The following CIMAP2 variants were observed in gnomAD, a reference collection of about 807,000 sequenced individuals.
CIMAP2 encodes ciliary microtubule-associated protein 2.
chr1:54,833,663 G>A, the CIMAP2 span, among the ~76,000 whole-genome samples: 30 of 152,162 alleles, frequency 2.0e-4, no homozygotes, highest in Admixed American at 1.8e-3. Context: ...ACTGATGAGT[G>A]GGCCAGGTTT....
At chr1:54,807,903 C>T in the CIMAP2 span, 7 of 1,592,306 alleles carry the variant, frequency 4.4e-6, no homozygotes, top group African/African-American at 1.4e-5. Flanking sequence ...AAAAGCTGGG[C>T]CCCGGCTCCT....
the CIMAP2 span, chr1:54,807,219 A>ACTGGAAGCCCCCACT: frequency 3.0e-6 from 3 of 990,750 alleles, no homozygotes; most frequent in Non-Finnish European, 4.7e-6. Context: ...CTGGACCCAC[A>ACTGGAAGCCCCCACT]GTGGGGGCTT....
the CIMAP2 span, among the ~76,000 whole-genome samples, chr1:54,835,621 C>T: frequency 4.6e-5 from 7 of 152,252 alleles, no homozygotes; most frequent in East Asian, 9.6e-4. Flanking sequence ...TGTTAGTAAA[C>T]GGCATTGATG....
the CIMAP2 span, among the ~76,000 whole-genome samples, chr1:54,828,696 C>A: frequency 6.6e-4 from 100 of 151,992 alleles, no homozygotes; most frequent in Middle Eastern, 6.8e-3. Flanking sequence ...TTTACTAAGA[C>A]CCCATTCTTA....
At chr1:54,820,037 A>ATTCT in the CIMAP2 span, among the ~76,000 whole-genome samples, 3 of 74,764 alleles carry the variant, frequency 4.0e-5, no homozygotes, top group African/African-American at 5.7e-5. Flanking sequence ...TCCTTCCTTC[A>ATTCT]TTCATTCCTT....
the CIMAP2 span, chr1:54,806,144 G>A: frequency 1.3e-6 from 2 of 1,549,168 alleles, no homozygotes; most frequent in Non-Finnish European, 8.7e-7. Flanking sequence ...TGCCGCCGGA[G>A]CTCATGGCTG....
chr1:54,812,337 G>A, the CIMAP2 span: 1 of 1,247,572 alleles, frequency 8.0e-7, no homozygotes, highest in Non-Finnish European at 1.1e-6. Flanking sequence ...AGCCAGGGCT[G>A]GATCCGGTTT....
At chr1:54,836,994 C>T in the CIMAP2 span, among the ~76,000 whole-genome samples, 1 of 152,016 alleles carries the variant, frequency 6.6e-6, no homozygotes, top group Non-Finnish European at 1.5e-5. Flanking sequence ...GAAAATGCCA[C>T]TTGGAAGATG....
the CIMAP2 span, among the ~76,000 whole-genome samples, chr1:54,813,607 G>A: frequency 6.6e-6 from 1 of 152,132 alleles, no homozygotes; most frequent in East Asian, 1.9e-4. Flanking sequence ...ACCCCGCCCC[G>A]ACCCGCTGGT....
chr1:54,819,286 A>G, the CIMAP2 span, among the ~76,000 whole-genome samples: 1 of 152,148 alleles, frequency 6.6e-6, no homozygotes, highest in Non-Finnish European at 1.5e-5. Context: ...CTGTCTGCCT[A>G]CATTCCACTG....
the CIMAP2 span, among the ~76,000 whole-genome samples, chr1:54,809,148 T>C: frequency 6.6e-6 from 1 of 152,220 alleles, no homozygotes. Flanking sequence ...CAAAACATTC[T>C]AATTCTTTGC....
At chr1:54,825,817 C>A in the CIMAP2 span, among the ~76,000 whole-genome samples, 1 of 151,904 alleles carries the variant, frequency 6.6e-6, no homozygotes, top group African/African-American at 2.4e-5. Flanking sequence ...CTGAGTAGTG[C>A]ATGTGGGTGC....
chr1:54,838,934 T>C, the CIMAP2 span, among the ~76,000 whole-genome samples: 6 of 65,080 alleles, frequency 9.2e-5, no homozygotes, highest in Non-Finnish European at 1.3e-4. Flanking sequence ...GGGGCAGGGA[T>C]TGGGGGGAGT....
the CIMAP2 span, chr1:54,811,767 C>CGGGGGGGGGCCCCCCCCCCCCCCCCCAA: frequency 9.2e-7 from 1 of 1,088,170 alleles, no homozygotes; most frequent in Non-Finnish European, 1.4e-6. Flanking sequence ...TTCTGACAGC[C>CGGGGGGGGGCCCCCCCCCCCCCCCCCAA]TCCATGCCCC....
the CIMAP2 span, among the ~76,000 whole-genome samples, chr1:54,827,328 C>T: frequency 6.6e-6 from 1 of 152,200 alleles, no homozygotes; most frequent in Non-Finnish European, 1.5e-5. Flanking sequence ...AGGGCCACTC[C>T]TCTCAGCTGC....
the CIMAP2 span, among the ~76,000 whole-genome samples, chr1:54,813,642 C>T: frequency 4.0e-4 from 58 of 145,132 alleles, no homozygotes; most frequent in Admixed American, 1.4e-3. Context: ...CTGTTTCCAC[C>T]AGCCCTTGTC....
chr1:54,807,183 A>ACGCC, the CIMAP2 span: 3 of 1,271,598 alleles, frequency 2.4e-6, no homozygotes, highest in Non-Finnish European at 3.4e-6. Context: ...GAAGGGGCGT[A>ACGCC]CTTTCTACCT....
At chr1:54,823,946 G>T in the CIMAP2 span, among the ~76,000 whole-genome samples, 2 of 149,940 alleles carry the variant, frequency 1.3e-5, no homozygotes, top group African/African-American at 2.4e-5. Flanking sequence ...CAGTTTTTTT[G>T]TTTGTTTGTT....
chr1:54,838,935 T>G, the CIMAP2 span, among the ~76,000 whole-genome samples: 150 of 152,042 alleles, frequency 9.9e-4, no homozygotes, highest in African/African-American at 3.4e-3. Flanking sequence ...GGGCAGGGAT[T>G]GGGGGGAGTA....
Sources: gnomAD v4.1 joint callset for allele counts (sites outside exome capture counted in the v4.1 genomes callset) on GRCh38, gnomAD v4.1.1 for gene constraint, MANE v1.5 for transcripts, NCBI Gene and HGNC (gene_info 2026-07-23, HGNC 2026-07-21) for gene names.